The following RBFOX3 variants were observed in gnomAD, a reference collection of about 807,000 sequenced individuals.
RBFOX3 encodes the protein RNA binding fox-1 homolog 3.
A neutral mutation model predicts 48.7 loss-of-function variants in RBFOX3; 17 were observed. The observed-to-expected ratio is 0.35, with a 90% CI of 0.24 to 0.52. The LOEUF is 0.52. Among genes scored for constraint, RBFOX3 ranks in the 20% least tolerant of loss-of-function variants. The pLI is 0.94. For missense variants in RBFOX3, 382 were observed against 497.5 expected, an observed-to-expected ratio of 0.77 and a Z score of 2.21; for synonymous variants, 212 against 209.5, an observed-to-expected ratio of 1.01 and a Z score of -0.10.
upstream of RBFOX3, among the ~76,000 whole-genome samples, chr17:79,611,173 T>TCTCTCTCTCTCTCC (rs2093964578): frequency 3.8e-5 from 1 of 25,984 alleles, no homozygotes; most frequent in Non-Finnish European, 6.5e-5. Context: ...TCTCTCTCTC[T>TCTCTCTCTCTCTCC]CCGCCCTCCT....
Position 79,107,193 on chromosome 17 carries a change from C to G in RBFOX3, c.223-405G>C, listed in dbSNP as rs892843054. Among the ~76,000 whole-genome samples, 4 of 152,192 alleles carry G rather than the reference C, an allele frequency of 2.6e-5. No individual in the cohort carries two copies. The South Asian group carries it at 8.3e-4, about 32-fold the overall frequency. ...TGAGGACCCCACTGTCTTTCAAGTC[C>G]TGATGATGAAGTGGTGAACTGCAGA... On this transcript the variant is annotated intron_variant, in intron 5 of 14. Transcript: ENST00000693108.
chr17:79,149,661 G>C (rs934595893), intron 4 of RBFOX3, among the ~76,000 whole-genome samples: 1 of 151,966 alleles, frequency 6.6e-6, no homozygotes, highest in Non-Finnish European at 1.5e-5. Context: ...GGTTGGGGGT[G>C]GCCTAGGGGC....
intron 2 of RBFOX3, among the ~76,000 whole-genome samples, chr17:79,437,164 G>T (rs1202572029): frequency 2.0e-5 from 3 of 152,054 alleles, no homozygotes; most frequent in African/African-American, 7.2e-5. Flanking sequence ...TGACCTCATC[G>T]CCAGGCCTGA....
chr17:79,388,568 CAG>C (rs1436349556), intron 2 of RBFOX3, among the ~76,000 whole-genome samples: 2 of 152,314 alleles, frequency 1.3e-5, no homozygotes, highest in East Asian at 1.9e-4. Context: ...CTTTTAAAAA[CAG>C]GGGATTTAAG....
chr17:79,264,967 G>C (rs539056554), intron 3 of RBFOX3, among the ~76,000 whole-genome samples: 12 of 93,050 alleles, frequency 1.3e-4, no homozygotes, highest in South Asian at 2.8e-4. Context: ...GCGAGAGGAG[G>C]GGGGGGGGGC....
intron 1 of RBFOX3, among the ~76,000 whole-genome samples, chr17:79,578,627 C>G (rs2092941167): frequency 6.6e-6 from 1 of 152,256 alleles, no homozygotes; most frequent in Non-Finnish European, 1.5e-5. Flanking sequence ...CAACAGAGAC[C>G]CTTGGTCTGG....
intron 4 of RBFOX3, among the ~76,000 whole-genome samples, chr17:79,154,154 C>T (rs2045240036): frequency 7.3e-6 from 1 of 136,710 alleles, no homozygotes; most frequent in African/African-American, 2.7e-5. Context: ...ACCTGGCTGG[C>T]TCCAGCCACC....
At chr17:79,288,477 G>GC (rs78180470) in intron 3 of RBFOX3, among the ~76,000 whole-genome samples, 30,375 of 151,188 alleles carry the variant, frequency 0.2, 3,157 homozygotes, top group Middle Eastern at 0.31. Context: ...ATTCTCTGCA[G>GC]CCCCCCCCAG....
chr17:79,355,801 G>C (rs1279327433), intron 2 of RBFOX3, among the ~76,000 whole-genome samples: 1 of 152,100 alleles, frequency 6.6e-6, no homozygotes, highest in Non-Finnish European at 1.5e-5. Flanking sequence ...GGCTGGTCTT[G>C]AACTCCTGAC....
chr17:79,589,644 C>T (rs2093359556), intron 1 of RBFOX3, among the ~76,000 whole-genome samples: 1 of 152,166 alleles, frequency 6.6e-6, no homozygotes, highest in South Asian at 2.1e-4. Flanking sequence ...GCCCTGGGGG[C>T]TGTACCAGAA....
intron 4 of RBFOX3, among the ~76,000 whole-genome samples, chr17:79,133,324 A>C (rs1205585538): frequency 6.6e-6 from 1 of 152,134 alleles, no homozygotes; most frequent in African/African-American, 2.4e-5. Flanking sequence ...GCAGAGCTTC[A>C]CTGCAGCTCT....
intron 2 of RBFOX3, among the ~76,000 whole-genome samples, chr17:79,376,852 T>G (rs2147810160): frequency 6.6e-6 from 1 of 152,142 alleles, no homozygotes; most frequent in South Asian, 2.1e-4. Context: ...TTTCTCAGGG[T>G]TCCATTTTCA....
Position 79,473,905 on chromosome 17 carries a change from C to T in RBFOX3, c.-175+8549G>A, listed in dbSNP as rs1437451323. 6.6e-6 allele frequency among the ~76,000 whole-genome samples: 1 copy of T among 152,190 alleles called. No homozygotes were observed. The highest frequency in any genetic ancestry group is 1.5e-5 in the Non-Finnish European group (1 of 68,040). On this transcript the variant is annotated intron_variant, in intron 2 of 14. Transcript: ENST00000693108. This position sits in a 1 kb window ranked among gnomAD's most constrained non-coding sequence, Gnocchi z 4.2. ...TGACCTCTACTTCTAAATTAATTTTCCTTCCTCAGGCATTTGCTGACGCTC... is the reference window on the plus strand; with the variant it reads ...TGACCTCTACTTCTAAATTAATTTTTCTTCCTCAGGCATTTGCTGACGCTC...
chr17:79,602,768 G>A (rs1434392756), intron 1 of RBFOX3, among the ~76,000 whole-genome samples: 1 of 152,194 alleles, frequency 6.6e-6, no homozygotes, highest in East Asian at 1.9e-4. Context: ...GGGTGAGCTG[G>A]AATCCCTCAG....
chr17:79,215,056 C>A (rs756222859), intron 4 of RBFOX3, among the ~76,000 whole-genome samples: 1 of 152,170 alleles, frequency 6.6e-6, no homozygotes, highest in Admixed American at 6.5e-5. Context: ...ATGAGCCCAC[C>A]CCCTGGCTCC....
intron 2 of RBFOX3, among the ~76,000 whole-genome samples, chr17:79,326,120 T>A (rs1439299723): frequency 6.6e-6 from 1 of 152,130 alleles, no homozygotes; most frequent in African/African-American, 2.4e-5. Flanking sequence ...CTGGGGCGGT[T>A]TCTTCCAGAG....
Position 79,575,349 on chromosome 17 carries a change from G to A in RBFOX3, c.-320+35477C>T, listed in dbSNP as rs2092823474. On this transcript the variant is annotated intron_variant, in intron 1 of 14. Coordinates refer to ENST00000693108, the MANE Select transcript of RBFOX3 (RefSeq NM_001350451.2). Reference sequence around the variant, plus strand: ...GGGGCAGAGTGAGGGAGACAAAGGGGCCACTTTCCAGGGCCCTGAGGCCAG... The same window carrying A: ...GGGGCAGAGTGAGGGAGACAAAGGGACCACTTTCCAGGGCCCTGAGGCCAG... Among the ~76,000 whole-genome samples, 3 of 152,148 alleles carry A rather than the reference G, an allele frequency of 2.0e-5. No individual in the cohort carries two copies. The South Asian group carries it at 6.2e-4, about 32-fold the overall frequency.
rs752453960 is a variant in RBFOX3 at position 79,421,837 on chromosome 17, G to A, written c.-175+60617C>T. On this transcript the variant is annotated intron_variant, in intron 2 of 14. Transcript: ENST00000693108. This position sits in a 1 kb window ranked among gnomAD's most constrained non-coding sequence, Gnocchi z 4.5. The stretch of plus-strand genomic sequence containing the variant: ...AAGGGGAAGGAAGTGATCAGGTGCC[G>A]GAAGGCCCCGTGAGGGTGGCCCACG... Among the ~76,000 whole-genome samples, 24 of 152,246 alleles carry A rather than the reference G, an allele frequency of 1.6e-4. No homozygotes were observed. The highest frequency in any genetic ancestry group is 6.5e-4 in the Admixed American group (10 of 15,292).
chr17:79,608,914 C>G (rs941757767), intron 1 of RBFOX3, among the ~76,000 whole-genome samples: 1 of 151,922 alleles, frequency 6.6e-6, no homozygotes, highest in Non-Finnish European at 1.5e-5. Context: ...TCTAAGAAGG[C>G]TCCCCTCCTC....
Sources: gnomAD v4.1 joint callset for allele counts (sites outside exome capture counted in the v4.1 genomes callset) on GRCh38, gnomAD v4.1.1 for gene constraint, Gnocchi (gnomAD v3.1) non-coding constraint, MANE v1.5 for transcripts, NCBI Gene and HGNC (gene_info 2026-07-23, HGNC 2026-07-21) for gene names.